The following ROR1 variants were observed in gnomAD, a reference collection of about 807,000 sequenced individuals.
The protein encoded by ROR1 is ROR family WNT receptor 1, also known as inactive tyrosine-protein kinase transmembrane receptor ROR1.
In ROR1, 19 loss-of-function variants were observed where a neutral mutation model predicts 78.8. The observed-to-expected ratio is 0.24, with a 90% CI of 0.17 to 0.35. The LOEUF (loss-of-function observed/expected upper bound fraction) is 0.35, where lower values mean the gene tolerates loss of function less well. Ranked by LOEUF, ROR1 falls within the 10% of genes least tolerant of loss-of-function variation. ROR1 has a pLI of 1.00. For synonymous variants in ROR1, 386 were observed against 433.6 expected, an observed-to-expected ratio of 0.89 and a Z score of 1.36; for missense variants, 917 against 1,177.8, an observed-to-expected ratio of 0.78 and a Z score of 3.24.
intron 1 of ROR1, chr1:63,788,844 G>A (rs1258273330): frequency 1.4e-6 from 1 of 708,012 alleles, no homozygotes; most frequent in Non-Finnish European, 2.6e-6. Context: ...GGTTAGCCAG[G>A]AGCTTCATGC....
At chr1:64,104,032 T>C (rs560028490) in intron 4 of ROR1, among the ~76,000 whole-genome samples, 13 of 152,260 alleles carry the variant, frequency 8.5e-5, no homozygotes, top group Middle Eastern at 3.4e-3. Flanking sequence ...ACAGGCCAGC[T>C]CGCTCCAACA....
At chr1:63,846,117 AATGTGTGTGTGTGT>A (rs1270673663) in intron 1 of ROR1, among the ~76,000 whole-genome samples, 34 of 91,526 alleles carry the variant, frequency 3.7e-4, no homozygotes, top group African/African-American at 1.2e-3. Context: ...AGAGAGAGAG[AATGTGTGTGTGTGT>A]GTGTGTGTGT....
chr1:63,819,737 T>C (rs1017345176), intron 1 of ROR1, among the ~76,000 whole-genome samples: 1 of 152,214 alleles, frequency 6.6e-6, no homozygotes. Flanking sequence ...TGTCCATCAG[T>C]AGCTGTATAA....
intron 1 of ROR1, among the ~76,000 whole-genome samples, chr1:63,865,747 G>A (rs770126935): frequency 4.6e-5 from 7 of 152,094 alleles, no homozygotes; most frequent in Non-Finnish European, 8.8e-5. Context: ...GGCACATAGC[G>A]GGCACTAAAC....
chr1:63,899,028 G>A (rs1165502718), intron 1 of ROR1, among the ~76,000 whole-genome samples: 1 of 151,936 alleles, frequency 6.6e-6, no homozygotes, highest in Non-Finnish European at 1.5e-5. Context: ...AAGAAGCACC[G>A]GGACGGGCAA....
At chr1:64,042,833 C>T (rs1224941756) in intron 2 of ROR1, among the ~76,000 whole-genome samples, 1 of 152,164 alleles carries the variant, frequency 6.6e-6, no homozygotes, top group Non-Finnish European at 1.5e-5. Flanking sequence ...GTGAAGTGTG[C>T]TGAAAGTGAA....
chr1:64,078,849 A>G (rs991529211), intron 4 of ROR1, among the ~76,000 whole-genome samples: 4 of 152,188 alleles, frequency 2.6e-5, no homozygotes, highest in Non-Finnish European at 5.9e-5. Context: ...ACAGAGTATT[A>G]TAGAGGCCTT....
chr1:63,900,458 A>AAG (rs958338765), intron 1 of ROR1, among the ~76,000 whole-genome samples: 1 of 151,296 alleles, frequency 6.6e-6, no homozygotes, highest in African/African-American at 2.4e-5. Flanking sequence ...CATCTCAAAA[A>AAG]AAAAAAAAAA....
At chr1:64,079,838 AT>A (rs58144685) in intron 4 of ROR1, among the ~76,000 whole-genome samples, 22,501 of 150,146 alleles carry the variant, frequency 0.15, 1,768 homozygotes, top group Middle Eastern at 0.21. Context: ...AACAATCTTG[AT>A]TTTTTTTTTT....
chr1:64,150,236 C>T (rs1649583589), intron 7 of ROR1, among the ~76,000 whole-genome samples: 1 of 151,914 alleles, frequency 6.6e-6, no homozygotes, highest in African/African-American at 2.4e-5. Flanking sequence ...ACCAGCTTCA[C>T]CAAAGAGTAT....
chr1:64,150,935 T>C (rs1238317636), intron 7 of ROR1, among the ~76,000 whole-genome samples: 1 of 152,224 alleles, frequency 6.6e-6, no homozygotes, highest in African/African-American at 2.4e-5. Context: ...CCTCTGAACT[T>C]TTTGGGCTCA....
At chr1:64,146,425 G>A (rs1427501012) in intron 7 of ROR1, among the ~76,000 whole-genome samples, 1 of 152,182 alleles carries the variant, frequency 6.6e-6, no homozygotes, top group East Asian at 1.9e-4. Flanking sequence ...GCAGTGAGCC[G>A]AGATCGCACC....
intron 2 of ROR1, among the ~76,000 whole-genome samples, chr1:64,010,589 T>G (rs1448990468): frequency 6.6e-6 from 1 of 152,182 alleles, no homozygotes; most frequent in Non-Finnish European, 1.5e-5. Context: ...AGCTCAAAAG[T>G]CATTGTCATA....
At chr1:64,040,695 G>A (rs1336783785) in intron 2 of ROR1, among the ~76,000 whole-genome samples, 7 of 152,150 alleles carry the variant, frequency 4.6e-5, no homozygotes, top group Admixed American at 4.6e-4. Context: ...CACATGGTAG[G>A]AGAGGCAGGG....
intron 1 of ROR1, among the ~76,000 whole-genome samples, chr1:63,826,330 G>A (rs1440293295): frequency 1.3e-5 from 2 of 152,104 alleles, no homozygotes; most frequent in Admixed American, 6.5e-5. Flanking sequence ...ACTTACAAGT[G>A]AGGACATGTT....
chr1:64,050,464 T>A (rs1189795351), intron 3 of ROR1, among the ~76,000 whole-genome samples: 8 of 152,130 alleles, frequency 5.3e-5, no homozygotes, highest in Non-Finnish European at 1.0e-4. Flanking sequence ...GTCTTAGCAT[T>A]TTCAGGCCCT....
intron 1 of ROR1, among the ~76,000 whole-genome samples, chr1:63,782,372 C>T (rs933246463): frequency 2.6e-5 from 4 of 152,000 alleles, no homozygotes; most frequent in African/African-American, 4.8e-5. Context: ...CAGGCAGAAT[C>T]GGTATGATCC....
chr1:64,106,743 T>C (rs1647831050), intron 4 of ROR1: 1 of 152,230 alleles, frequency 6.6e-6, no homozygotes, highest in Non-Finnish European at 1.5e-5. Flanking sequence ...GTTCTGTTTA[T>C]GTGACGGATT....
intron 1 of ROR1, among the ~76,000 whole-genome samples, chr1:63,962,513 G>A (rs1156673362): frequency 1.3e-5 from 2 of 152,150 alleles, no homozygotes; most frequent in African/African-American, 4.8e-5. Flanking sequence ...AGTGGGAGAG[G>A]GTAGGTGTCT....
Sources: gnomAD v4.1 joint callset for allele counts (sites outside exome capture counted in the v4.1 genomes callset) on GRCh38, gnomAD v4.1.1 for gene constraint, MANE v1.5 for transcripts, NCBI Gene and HGNC (gene_info 2026-07-23, HGNC 2026-07-21) for gene names.